Variants in MCC observed in about 807,000 individuals in gnomAD.
MCC encodes the protein MCC regulator of Wnt signaling pathway, also known as colorectal mutant cancer protein.
MCC carries 90 observed loss-of-function variants against 116.2 expected under a neutral mutation model. The observed-to-expected ratio is 0.77, with a 90% CI of 0.65 to 0.92. The LOEUF (loss-of-function observed/expected upper bound fraction) is 0.92. Ranked by LOEUF, MCC falls within the 40% of genes least tolerant of loss-of-function variation. MCC has a pLI of 0.00. For missense variants in MCC, 1,516 were observed against 1,312.2 expected (o/e 1.16, Z -2.40); for synonymous variants, 578 against 510.5 (o/e 1.13, Z -1.78).
intron 3 of MCC, among the ~76,000 whole-genome samples, chr5:113,292,753 A>C (rs1766555309): frequency 1.3e-5 from 2 of 152,010 alleles, no homozygotes; most frequent in Non-Finnish European, 2.9e-5. Flanking sequence ...ACTGGACAGC[A>C]CTCTGCTGCA....
chr5:113,112,948 T>C (rs953950320), intron 6 of MCC, among the ~76,000 whole-genome samples: 1 of 152,216 alleles, frequency 6.6e-6, no homozygotes, highest in South Asian at 2.1e-4. Context: ...CAATTAAGAT[T>C]CCCAAGGTAG....
chr5:113,304,757 C>A (rs1456950376), intron 3 of MCC, among the ~76,000 whole-genome samples: 1 of 151,488 alleles, frequency 6.6e-6, no homozygotes, highest in Non-Finnish European at 1.5e-5. Flanking sequence ...TTTGGAAATC[C>A]AAGGAAGTTA....
At chr5:113,029,430 T>C (rs541907245) in intron 17 of MCC, among the ~76,000 whole-genome samples, 2 of 151,322 alleles carry the variant, frequency 1.3e-5, no homozygotes, top group South Asian at 2.1e-4. Flanking sequence ...CCCTTCTTTT[T>C]CAGGTGTCCT....
chr5:113,055,186 G>C (rs1242002356), intron 14 of MCC, among the ~76,000 whole-genome samples: 5 of 152,178 alleles, frequency 3.3e-5, no homozygotes, highest in African/African-American at 1.2e-4. Flanking sequence ...CTGGAAAGAG[G>C]TGCAACTAGA....
intron 3 of MCC, among the ~76,000 whole-genome samples, chr5:113,221,324 C>G (rs1763544960): frequency 6.6e-6 from 1 of 152,242 alleles, no homozygotes; most frequent in African/African-American, 2.4e-5. Context: ...AACTAACCAA[C>G]TCCATCTGCT....
intron 4 of MCC, among the ~76,000 whole-genome samples, chr5:113,148,213 G>A (rs992991014): frequency 5.9e-5 from 9 of 152,198 alleles, no homozygotes; most frequent in Non-Finnish European, 8.8e-5. Context: ...GTCTGTGCCC[G>A]TATTCAATTT....
intron 1 of MCC, among the ~76,000 whole-genome samples, chr5:113,446,107 T>G (rs1416957454): frequency 2.6e-5 from 4 of 152,222 alleles, no homozygotes; most frequent in Non-Finnish European, 5.9e-5. Flanking sequence ...CAAGATGGAT[T>G]ACAGTTTTAA....
chr5:113,210,407 T>TGAAATATAA (rs1554066967), intron 3 of MCC, among the ~76,000 whole-genome samples: 1 of 151,954 alleles, frequency 6.6e-6, no homozygotes, highest in Admixed American at 6.6e-5. Context: ...TGTTTTAGTC[T>TGAAATATAA]GGAATATAAG....
rs1276406384 is a variant in MCC at position 113,434,777 on chromosome 5, G to T, written c.171-49565C>A. On this transcript the variant is annotated intron_variant, in intron 1 of 18. Transcript: ENST00000408903. The surrounding 1 kb of genome is among the most constrained non-coding windows in gnomAD (Gnocchi z 4.2). ...AAGCAGATTTTACTTTTGCATAGGAGCCCTCTCCTAAATTTATCCCCAGGA... is the reference window on the plus strand; with the variant it reads ...AAGCAGATTTTACTTTTGCATAGGATCCCTCTCCTAAATTTATCCCCAGGA... 1 of 1,613,938 alleles carries T rather than the reference G, an allele frequency of 6.2e-7. No individual in the cohort carries two copies. Among genetic ancestry groups the T allele is most frequent in the East Asian group, 2.2e-5 (1 of 44,872 alleles).
intron 6 of MCC, among the ~76,000 whole-genome samples, chr5:113,109,364 A>G (rs1381093024): frequency 2.6e-5 from 4 of 152,242 alleles, no homozygotes; most frequent in Non-Finnish European, 2.9e-5. Context: ...ACATGCTACA[A>G]CATGAACCCT....
rs181582385 is a variant in MCC, at chr5:113,268,302, C to A, written c.627+72217G>T. 8.5e-4 allele frequency among the ~76,000 whole-genome samples: 129 copies of A among 152,326 alleles called. 2 individuals carry two copies. Among genetic ancestry groups the A allele is most frequent in the African/African-American group, 2.9e-3 (119 of 41,570 alleles). On this transcript the variant is annotated intron_variant, in intron 3 of 18. Coordinates refer to ENST00000408903, the MANE Select transcript of MCC (RefSeq NM_001085377.2). ...AGGGTCCAAATGAACTCTACCTTTT[C>A]CCAGTTCATTCTAGCGGTCTCACCT... is the stretch of plus-strand genomic sequence containing the variant.
At chr5:113,243,414 G>A (rs558987493) in intron 3 of MCC, among the ~76,000 whole-genome samples, 4 of 152,196 alleles carry the variant, frequency 2.6e-5, no homozygotes, top group African/African-American at 4.8e-5. Flanking sequence ...CCCTTCACAC[G>A]TACAGGACTA....
At chr5:113,361,449 C>T (rs1184990686) in intron 2 of MCC, among the ~76,000 whole-genome samples, 1 of 152,142 alleles carries the variant, frequency 6.6e-6, no homozygotes, top group Non-Finnish European at 1.5e-5. Context: ...TATCAAATTT[C>T]TCTAAGTACT....
chr5:113,485,538 AC>A lies in MCC; in HGVS notation c.170+2706del, dbSNP rs564641998. ...GCTCTGCTTTAATGATACAGGCACA[AC>A]TTATTTCCACTTCCTTTTACATCTT... On this transcript the variant is annotated intron_variant, in intron 1 of 18. Transcript: ENST00000408903. Among the ~76,000 whole-genome samples the A allele has an allele frequency of 1.9e-4, 29 of 152,246 alleles. No individual in the cohort carries two copies. The South Asian group carries it at 6.0e-3, about 32-fold the overall frequency.
At chr5:113,116,298 T>C (rs1466022070) in intron 6 of MCC, among the ~76,000 whole-genome samples, 1 of 152,154 alleles carries the variant, frequency 6.6e-6, no homozygotes, top group Non-Finnish European at 1.5e-5. Context: ...ATAGCAGCAA[T>C]GTTCACAATG....
chr5:113,185,430 GA>G (rs147504938), intron 3 of MCC, among the ~76,000 whole-genome samples: 2,922 of 152,266 alleles, frequency 0.019, 94 homozygotes, highest in African/African-American at 0.066. Flanking sequence ...CACAGGCAGA[GA>G]CCATCTATCT....
intron 3 of MCC, among the ~76,000 whole-genome samples, chr5:113,163,805 A>AT (rs1561417809): frequency 6.6e-6 from 1 of 152,214 alleles, no homozygotes; most frequent in African/African-American, 2.4e-5. Context: ...GTGTAACTAC[A>AT]CTTAAGATAG....
At chr5:113,064,354 G>A (rs967471821) in intron 13 of MCC, among the ~76,000 whole-genome samples, 187 bp from the exon 14 acceptor site, 32 of 152,336 alleles carry the variant, frequency 2.1e-4, no homozygotes, top group Non-Finnish European at 2.1e-4. Flanking sequence ...GCTACATGTG[G>A]GAAGGTATTT....
At chr5:113,393,608 T>A (rs1485599859) in intron 1 of MCC, among the ~76,000 whole-genome samples, 2 of 152,214 alleles carry the variant, frequency 1.3e-5, no homozygotes, top group African/African-American at 4.8e-5. Flanking sequence ...AAACATCAGA[T>A]TTATAGTCCC....
Sources: gnomAD v4.1 joint callset for allele counts (sites outside exome capture counted in the v4.1 genomes callset) on GRCh38, gnomAD v4.1.1 for gene constraint, Gnocchi (gnomAD v3.1) non-coding constraint, MANE v1.5 for transcripts, NCBI Gene and HGNC (gene_info 2026-07-23, HGNC 2026-07-21) for gene names.